Variants in CDH4 observed in about 807,000 individuals in gnomAD.
The protein encoded by CDH4 is cadherin 4, also known as cadherin-4.
In CDH4, 33 loss-of-function variants were observed where a neutral mutation model predicts 86.0. The ratio of observed to expected loss-of-function variants is 0.38; its 90% confidence interval spans 0.29 to 0.51. The LOEUF (loss-of-function observed/expected upper bound fraction) is 0.51. CDH4 is among the 20% of genes least tolerant of loss of function. The probability of loss-of-function intolerance (pLI) is 0.86; values close to 1 mark genes in which losing one functional copy is unlikely to be tolerated. For synonymous variants in CDH4, 555 were observed against 549.4 expected (o/e 1.01, Z -0.14); for missense variants, 1,114 against 1,307.4 (o/e 0.85, Z 2.28).
rs547589787 is a variant in CDH4 at position 61,768,904 on chromosome 20, A to T, written c.397-4099A>T. On this transcript the variant is annotated intron_variant, in intron 3 of 15. Coordinates refer to ENST00000614565, the MANE Select transcript of CDH4 (RefSeq NM_001794.5). ...GCAAATGAAAATGAAGGATTTTTTT[A>T]AAAAACGGCTGTATGGAAACCCTTT... Among the ~76,000 whole-genome samples the T allele has an allele frequency of 4.0e-4, 61 of 152,326 alleles. 2 individuals carry two copies. Among genetic ancestry groups the T allele is most frequent in the East Asian group, 2.7e-3 (14 of 5,182 alleles).
At chr20:61,266,833 G>A (rs1292449845) in intron 2 of CDH4, among the ~76,000 whole-genome samples, 1 of 152,120 alleles carries the variant, frequency 6.6e-6, no homozygotes, top group South Asian at 2.1e-4. Context: ...ATCCATCCAC[G>A]CAGAGCCTCC....
At chr20:61,494,192 C>T (rs747486994) in intron 2 of CDH4, among the ~76,000 whole-genome samples, 4 of 152,174 alleles carry the variant, frequency 2.6e-5, no homozygotes, top group Non-Finnish European at 2.9e-5. Context: ...CTTAAAATCA[C>T]GGCTGCTGTT....
intron 3 of CDH4, among the ~76,000 whole-genome samples, chr20:61,752,574 C>T (rs1042619273): frequency 2.0e-5 from 3 of 152,084 alleles, no homozygotes; most frequent in South Asian, 2.1e-4. Flanking sequence ...CTGTACGGGA[C>T]GTTAAGAGAA....
At chr20:61,301,419 C>T (rs1004618693) in intron 2 of CDH4, among the ~76,000 whole-genome samples, 1 of 152,230 alleles carries the variant, frequency 6.6e-6, no homozygotes, top group Non-Finnish European at 1.5e-5. Context: ...TGCTGGTACT[C>T]ACTGGCCTGG....
At chr20:61,605,282 C>A (rs1022717006) in intron 2 of CDH4, among the ~76,000 whole-genome samples, 1 of 152,088 alleles carries the variant, frequency 6.6e-6, no homozygotes, top group East Asian at 1.9e-4. Flanking sequence ...AGGCCCAGGG[C>A]CCTGCTGCCT....
Position 61,422,424 on chromosome 20 carries a change from C to CAAAAAAAAAAAAAAA in CDH4, c.169+167516_169+167530dup, listed in dbSNP as rs869235928. ...GGGCAATAAGAGCAAAACTCCGTCT[C>CAAAAAAAAAAAAAAA]AAAAAAAAAAAAAAAAAAAAAAAAA... On this transcript the variant is annotated intron_variant, in intron 2 of 15. Coordinates refer to ENST00000614565, the MANE Select transcript of CDH4 (RefSeq NM_001794.5). 8.1e-4 allele frequency among the ~76,000 whole-genome samples: 18 copies of CAAAAAAAAAAAAAAA among 22,264 alleles called. 4 individuals carry two copies. The highest frequency in any genetic ancestry group is 9.1e-3 in the South Asian group (2 of 220). The allele number at this position is 22,264 out of a possible 152,430, so 14.6% of individuals were successfully genotyped here. A position where few individuals can be genotyped will look rare whatever the true frequency, so the allele number is the denominator to read the frequency against.
chr20:61,898,941 T>C lies in CDH4; in HGVS notation c.1188+3894T>C, dbSNP rs541364319. ...AGTCCTGTCCCGTCTCGGTCTTTCATAGGTGAGGGGCTTACAACAATGTCA... is the reference window on the plus strand; with the variant it reads ...AGTCCTGTCCCGTCTCGGTCTTTCACAGGTGAGGGGCTTACAACAATGTCA... On this transcript the variant is annotated intron_variant, in intron 8 of 15. Transcript: ENST00000614565. Among the ~76,000 whole-genome samples the C allele has an allele frequency of 9.9e-5, 15 of 152,256 alleles. 1 individual carries two copies. The South Asian group carries it at 2.1e-3, about 21-fold the overall frequency.
At chr20:61,545,616 C>T (rs1038363372) in intron 2 of CDH4, among the ~76,000 whole-genome samples, 1 of 152,120 alleles carries the variant, frequency 6.6e-6, no homozygotes, top group Admixed American at 6.5e-5. Context: ...CTCTTTTTGT[C>T]TTTCACTGTC....
At chr20:61,686,501 GTGTA>G (rs2087577160) in intron 2 of CDH4, among the ~76,000 whole-genome samples, 3 of 151,752 alleles carry the variant, frequency 2.0e-5, no homozygotes, top group South Asian at 4.2e-4. Flanking sequence ...ATTCGCGTGT[GTGTA>G]TATGTGTGTG....
At chr20:61,793,099 A>G (rs1466709728) in intron 4 of CDH4, among the ~76,000 whole-genome samples, 3 of 152,130 alleles carry the variant, frequency 2.0e-5, no homozygotes, top group African/African-American at 7.2e-5. Flanking sequence ...AGTAACTGGG[A>G]TTACAAGCGC....
chr20:61,621,708 G>T (rs1054266316), intron 2 of CDH4, among the ~76,000 whole-genome samples: 1 of 152,142 alleles, frequency 6.6e-6, no homozygotes, highest in Non-Finnish European at 1.5e-5. Flanking sequence ...ATAGTTCAAG[G>T]TCTTTTTTGT....
intron 2 of CDH4, chr20:61,718,743 C>T (rs1414597849): frequency 1.1e-5 from 5 of 459,516 alleles, no homozygotes; most frequent in South Asian, 7.9e-5. Flanking sequence ...GCAGGAGACA[C>T]TAGGCTAACA....
chr20:61,909,977 G>A (rs1358037188), intron 8 of CDH4, among the ~76,000 whole-genome samples: 3 of 152,362 alleles, frequency 2.0e-5, no homozygotes, highest in African/African-American at 7.2e-5. Flanking sequence ...CAGGGCTGAC[G>A]CACCTGCCGG....
intron 2 of CDH4, among the ~76,000 whole-genome samples, chr20:61,652,620 A>G (rs551471685): frequency 2.0e-5 from 3 of 152,264 alleles, no homozygotes; most frequent in Admixed American, 1.3e-4. Context: ...GGACATTGAT[A>G]ATGCTTCTAA....
In CDH4 at chr20:61,928,394, G is replaced by C. The variant is rs765815715; in HGVS notation, c.1976G>C (p.Arg659Pro). ...FELPFVPAAV[R>P]KNWTITRLNG... ...CTGCCCTTTGTCCCGGCGGCCGTGC[G>C]GAAGAACTGGACCATCACCCGCCTG... is the stretch of plus-strand genomic sequence containing the variant. Residue 659 changes from arginine to proline, a missense_variant, in exon 12 of 16, where the codon CGG becomes CCG. Physicochemically the swap from Arg to Pro is moderately radical, Grantham distance 103. Coordinates refer to ENST00000614565, the MANE Select transcript of CDH4 (RefSeq NM_001794.5). 1 of 1,611,912 alleles carries C rather than the reference G, an allele frequency of 6.2e-7. No individual in the cohort carries two copies. Among genetic ancestry groups the C allele is most frequent in the Non-Finnish European group, 8.5e-7 (1 of 1,179,996 alleles).
At position 61,868,142 on chromosome 20, in the gene CDH4, C is replaced by T. The variant is rs541056264; in HGVS notation, c.878-5586C>T. Among the ~76,000 whole-genome samples the T allele has an allele frequency of 2.8e-4, 43 of 152,322 alleles. 1 individual carries two copies. The highest frequency in any genetic ancestry group is 9.6e-4 in the African/African-American group (40 of 41,568). ...TCAAGTCAGACATGTGGAGTTTCCA[C>T]GCTGGAGGACTCTGGGGTCTGGGCC... On this transcript the variant is annotated intron_variant, in intron 6 of 15. Coordinates refer to ENST00000614565, the MANE Select transcript of CDH4 (RefSeq NM_001794.5).
chr20:61,531,427 C>G (rs545266493), intron 2 of CDH4, among the ~76,000 whole-genome samples: 1 of 137,630 alleles, frequency 7.3e-6, no homozygotes, highest in Non-Finnish European at 1.5e-5. Flanking sequence ...GAGCCAAGAT[C>G]GTGCCATTGC....
chr20:61,606,668 C>T (rs555928539), intron 2 of CDH4, among the ~76,000 whole-genome samples: 1 of 152,382 alleles, frequency 6.6e-6, no homozygotes, highest in African/African-American at 2.4e-5. Context: ...CACCCCGCCG[C>T]TCCTCAGTTG....
At chr20:61,921,852 G>A (rs1442750014) in intron 9 of CDH4, among the ~76,000 whole-genome samples, 5 of 151,830 alleles carry the variant, frequency 3.3e-5, no homozygotes, top group Non-Finnish European at 7.4e-5. Context: ...CCTTCCCTCT[G>A]ATAACGATGA....
Sources: gnomAD v4.1 joint callset for allele counts (sites outside exome capture counted in the v4.1 genomes callset) on GRCh38, gnomAD v4.1.1 for gene constraint, MANE v1.5 for transcripts, NCBI Gene and HGNC (gene_info 2026-07-23, HGNC 2026-07-21) for gene names.